MGAT4A: variants seen among roughly 807,000 people sequenced by gnomAD.
MGAT4A encodes the protein alpha-1,3-mannosyl-glycoprotein 4-beta-N-acetylglucosaminyltransferase A.
In MGAT4A, 33 loss-of-function variants were observed where a neutral mutation model predicts 74.1. That is an observed-to-expected ratio of 0.45 (90% CI 0.34 to 0.60). The LOEUF is 0.60. MGAT4A is among the 20% of genes least tolerant of loss of function. MGAT4A has a pLI of 0.02. For missense variants in MGAT4A, 479 were observed against 628.3 expected (o/e 0.76, Z 2.54); for synonymous variants, 198 against 210.4 (o/e 0.94, Z 0.51).
chr2:98,619,521 G>T lies in MGAT4A; in HGVS notation c.*6045C>A, dbSNP rs1342643575. On this transcript the variant is annotated 3_prime_UTR_variant, in exon 16 of 16. Coordinates refer to ENST00000393487, the MANE Select transcript of MGAT4A (RefSeq NM_012214.3). Reference sequence around the variant, plus strand: ...ACTTCAGTTTTTCCATTCCATAAATGAAACACAATTGTTACACTTTGCTGA... The same window carrying T: ...ACTTCAGTTTTTCCATTCCATAAATTAAACACAATTGTTACACTTTGCTGA... The T allele has an allele frequency of 6.6e-6, 1 of 152,086 alleles. No individual in the cohort carries two copies. The highest frequency in any genetic ancestry group is 6.5e-5 in the Admixed American group (1 of 15,272). The allele number at this position is 152,086 out of a possible 1,614,324, so 9.4% of individuals were successfully genotyped here.
chr2:98,722,181 A>G (rs1182704709), intron 2 of MGAT4A, among the ~76,000 whole-genome samples: 1 of 152,240 alleles, frequency 6.6e-6, no homozygotes, highest in African/African-American at 2.4e-5. Context: ...ACACATGTCC[A>G]CACAGAAACA....
chr2:98,693,611 G>A (rs1026306406), intron 2 of MGAT4A, among the ~76,000 whole-genome samples: 2 of 151,906 alleles, frequency 1.3e-5, no homozygotes, highest in Non-Finnish European at 2.9e-5. Context: ...CGGGGGCTCA[G>A]GTGGGAAAAT....
At chr2:98,724,824 C>T (rs1330537779) in intron 2 of MGAT4A, among the ~76,000 whole-genome samples, 1 of 151,228 alleles carries the variant, frequency 6.6e-6, no homozygotes, top group Non-Finnish European at 1.5e-5. Context: ...TTCTGCTCAT[C>T]AACCCTCTTA....
At chr2:98,700,866 G>A (rs1702346531) in intron 2 of MGAT4A, among the ~76,000 whole-genome samples, 1 of 151,096 alleles carries the variant, frequency 6.6e-6, no homozygotes, top group Non-Finnish European at 1.5e-5. Context: ...ACTCCAGTCT[G>A]GGGAACAAGA....
At chr2:98,701,896 G>A (rs570669707) in intron 2 of MGAT4A, among the ~76,000 whole-genome samples, 8 of 152,278 alleles carry the variant, frequency 5.3e-5, no homozygotes, top group African/African-American at 1.7e-4. Flanking sequence ...AGTCCCAGGT[G>A]TGCTGGTGCC....
chr2:98,726,564 C>T lies in MGAT4A; in HGVS notation c.-232G>A, dbSNP rs1702766648. On this transcript the variant is annotated 5_prime_UTR_variant, in exon 2 of 16. Coordinates refer to ENST00000393487, the MANE Select transcript of MGAT4A (RefSeq NM_012214.3). ...ACACGCTGATGCCTCGGCCTTTTCC[C>T]TTCCTATTCAGGGGAAAAGAGAAAG... is the stretch of plus-strand genomic sequence containing the variant. The T allele has an allele frequency of 2.4e-6, 1 of 414,304 alleles. No homozygotes were observed. Among genetic ancestry groups the T allele is most frequent in the Admixed American group, 4.1e-5 (1 of 24,260 alleles). The allele number at this position is 414,304 out of a possible 1,614,324, so 25.7% of individuals were successfully genotyped here.
At chr2:98,698,174 G>A (rs1256197578) in intron 2 of MGAT4A, among the ~76,000 whole-genome samples, 3 of 152,168 alleles carry the variant, frequency 2.0e-5, no homozygotes, top group African/African-American at 7.2e-5. Context: ...AGCACTTTGG[G>A]AGGCTAAGAG....
intron 2 of MGAT4A, among the ~76,000 whole-genome samples, chr2:98,711,368 C>A (rs967684359): frequency 6.6e-6 from 1 of 151,544 alleles, no homozygotes; most frequent in African/African-American, 2.4e-5. Flanking sequence ...AGTCAATAAT[C>A]CTGATCACAT....
At chr2:98,707,186 C>T (rs1702451521) in intron 2 of MGAT4A, among the ~76,000 whole-genome samples, 2 of 152,056 alleles carry the variant, frequency 1.3e-5, no homozygotes, top group Admixed American at 1.3e-4. Flanking sequence ...TGCACTCCAG[C>T]CTGGGTGACA....
chr2:98,729,855 T>C (rs1702819475), intron 1 of MGAT4A, among the ~76,000 whole-genome samples: 1 of 152,234 alleles, frequency 6.6e-6, no homozygotes, highest in Non-Finnish European at 1.5e-5. Context: ...ATCCATGACG[T>C]AAGCCTATAT....
chr2:98,689,700 G>A (rs1031295065), intron 2 of MGAT4A, among the ~76,000 whole-genome samples: 7 of 152,162 alleles, frequency 4.6e-5, no homozygotes, highest in Non-Finnish European at 8.8e-5. Context: ...GCAGACGCCT[G>A]TAGTCCCAGC....
chr2:98,659,468 T>A (rs1467360361), intron 5 of MGAT4A, among the ~76,000 whole-genome samples: 1 of 152,150 alleles, frequency 6.6e-6, no homozygotes, highest in Non-Finnish European at 1.5e-5. Flanking sequence ...TAGCCACATT[T>A]TTGAGCCAGC....
At chr2:98,689,624 A>C (rs981454536) in intron 2 of MGAT4A, among the ~76,000 whole-genome samples, 1 of 152,196 alleles carries the variant, frequency 6.6e-6, no homozygotes, top group African/African-American at 2.4e-5. Flanking sequence ...GAAGTTCAAG[A>C]CTAGCCTCGG....
chr2:98,639,283 CAAAAAA>C, intron 12 of MGAT4A, among the ~76,000 whole-genome samples: 1 of 128,208 alleles, frequency 7.8e-6, no homozygotes. Flanking sequence ...GAGACTGTCT[CAAAAAA>C]AAAAAAGGAA....
At chr2:98,725,286 G>C (rs1411661891) in intron 2 of MGAT4A, among the ~76,000 whole-genome samples, 3 of 152,088 alleles carry the variant, frequency 2.0e-5, no homozygotes, top group East Asian at 3.8e-4. Context: ...AAAGCACAGA[G>C]CATGTTTTCA....
At chr2:98,677,849 G>C (rs1452467628) in intron 3 of MGAT4A, among the ~76,000 whole-genome samples, 1 of 67,116 alleles carries the variant, frequency 1.5e-5, no homozygotes, top group Admixed American at 1.9e-4. Context: ...AGAAAGTTTT[G>C]TGTGGTGGTT....
At chr2:98,638,062 A>G (rs1012985438) in intron 12 of MGAT4A, among the ~76,000 whole-genome samples, 1 of 152,178 alleles carries the variant, frequency 6.6e-6, no homozygotes. Context: ...TACTTCCTAC[A>G]GCTGCGTGTG....
chr2:98,716,978 T>G (rs1376564867), intron 2 of MGAT4A, among the ~76,000 whole-genome samples: 1 of 152,202 alleles, frequency 6.6e-6, no homozygotes, highest in African/African-American at 2.4e-5. Context: ...CATCTGTGGT[T>G]GGCTGAATCT....
At chr2:98,652,179 C>T (rs1701588456) in intron 8 of MGAT4A, among the ~76,000 whole-genome samples, 1 of 152,132 alleles carries the variant, frequency 6.6e-6, no homozygotes, top group African/African-American at 2.4e-5. Flanking sequence ...AATAAGGAAA[C>T]ATCGGACTTA....
Sources: gnomAD v4.1 joint callset for allele counts (sites outside exome capture counted in the v4.1 genomes callset) on GRCh38, gnomAD v4.1.1 for gene constraint, MANE v1.5 for transcripts, NCBI Gene and HGNC (gene_info 2026-07-23, HGNC 2026-07-21) for gene names.